CDK14: variants seen among roughly 807,000 people sequenced by gnomAD.
CDK14 encodes cyclin-dependent kinase 14.
CDK14 carries 34 observed loss-of-function variants against 60.7 expected under a neutral mutation model. That is an observed-to-expected ratio of 0.56 (90% CI 0.43 to 0.75). The LOEUF (loss-of-function observed/expected upper bound fraction) is 0.75, where lower values mean the gene tolerates loss of function less well. Ranked by LOEUF, CDK14 falls within the 30% of genes least tolerant of loss-of-function variation. CDK14 has a pLI of 0.00. For synonymous variants in CDK14, 197 were observed against 203.7 expected (o/e 0.97, Z 0.28); for missense variants, 482 against 564.1 (o/e 0.85, Z 1.47).
At chr7:90,619,650 G>T (rs375485961) in intron 2 of CDK14, among the ~76,000 whole-genome samples, 1 of 152,068 alleles carries the variant, frequency 6.6e-6, no homozygotes, top group Non-Finnish European at 1.5e-5. Context: ...AGAACTGACC[G>T]TTATGTTTAA....
At chr7:90,601,891 C>A (rs1799321027) in intron 1 of CDK14, among the ~76,000 whole-genome samples, 1 of 151,892 alleles carries the variant, frequency 6.6e-6, no homozygotes, top group African/African-American at 2.4e-5. Flanking sequence ...TAGCTGGAAC[C>A]ACAGGGCACC....
chr7:91,173,440 A>AAG (rs1554444750), intron 14 of CDK14, among the ~76,000 whole-genome samples: 3 of 149,222 alleles, frequency 2.0e-5, no homozygotes, highest in Admixed American at 6.6e-5. Context: ...AAAAAAAAAA[A>AAG]GGTGGGGAGG....
At chr7:91,010,856 CCTCCCTCCCTCT>C (rs1796139786) in intron 10 of CDK14, among the ~76,000 whole-genome samples, 1 of 119,082 alleles carries the variant, frequency 8.4e-6, no homozygotes, top group Non-Finnish European at 1.8e-5. Context: ...TCCCTCCCTC[CCTCCCTCCCTCT>C]CTCTCTTTCT....
intron 6 of CDK14, among the ~76,000 whole-genome samples, chr7:90,884,447 A>G (rs1791876199): frequency 1.3e-5 from 2 of 152,172 alleles, no homozygotes. Context: ...GCACAAACAA[A>G]TGGAAAAACA....
At chr7:91,151,752 C>G (rs1800834069) in intron 14 of CDK14, among the ~76,000 whole-genome samples, 1 of 152,160 alleles carries the variant, frequency 6.6e-6, no homozygotes, top group Non-Finnish European at 1.5e-5. Context: ...TTGATCCATA[C>G]TCATGCCTAG....
chr7:90,899,775 TA>T (rs1792443827), intron 7 of CDK14, among the ~76,000 whole-genome samples: 1 of 152,144 alleles, frequency 6.6e-6, no homozygotes, highest in South Asian at 2.1e-4. Flanking sequence ...TATTTCTATG[TA>T]CAAGCATATT....
chr7:91,130,924 C>A (rs1344784437), intron 14 of CDK14, among the ~76,000 whole-genome samples: 1 of 152,034 alleles, frequency 6.6e-6, no homozygotes, highest in South Asian at 2.1e-4. Context: ...CTATTAGACA[C>A]AGCATAAATT....
intron 7 of CDK14, among the ~76,000 whole-genome samples, chr7:90,902,453 A>G (rs1424168128): frequency 1.3e-5 from 2 of 152,166 alleles, no homozygotes; most frequent in African/African-American, 2.4e-5. Flanking sequence ...ATTAATCTGC[A>G]TACCTATAGT....
intron 6 of CDK14, among the ~76,000 whole-genome samples, chr7:90,864,692 G>T (rs745766680): frequency 6.6e-5 from 10 of 152,166 alleles, no homozygotes; most frequent in African/African-American, 2.4e-4. Context: ...GGGCTAAAAT[G>T]TACATATTGG....
In CDK14 at chr7:90,657,679, A is replaced by G. The variant is rs758225315; in HGVS notation, c.123+53430A>G. The stretch of plus-strand genomic sequence containing the variant: ...CCACATATGGGCCAGTGGCTACTCT[A>G]TTGGACAGCACAGCTCAAGTGAGTC... On this transcript the variant is annotated intron_variant, in intron 2 of 14. Transcript: ENST00000380050. Among the ~76,000 whole-genome samples the G allele has an allele frequency of 1.6e-4, 25 of 152,330 alleles. No homozygotes were observed. The Middle Eastern group carries it at 0.014, about 83-fold the overall frequency.
At chr7:90,615,172 C>T (rs893442016) in intron 2 of CDK14, among the ~76,000 whole-genome samples, 5 of 151,930 alleles carry the variant, frequency 3.3e-5, no homozygotes, top group African/African-American at 9.7e-5. Context: ...AGTTATAATA[C>T]GATAGAAAAA....
At chr7:91,195,147 T>TTCACATTTTTAATGAGCTGACAC (rs1407244283) in intron 14 of CDK14, among the ~76,000 whole-genome samples, 1 of 152,232 alleles carries the variant, frequency 6.6e-6, no homozygotes, top group East Asian at 1.9e-4. Flanking sequence ...CATTACAGCC[T>TTCACATTTTTAATGAGCTGACAC]TCACATTTTT....
At chr7:91,010,023 C>G (rs1796103834) in intron 10 of CDK14, among the ~76,000 whole-genome samples, 1 of 151,946 alleles carries the variant, frequency 6.6e-6, no homozygotes, top group Non-Finnish European at 1.5e-5. Flanking sequence ...TTTAATTTTT[C>G]CATTGCCATT....
chr7:90,882,583 G>A (rs1329476206), intron 6 of CDK14, among the ~76,000 whole-genome samples: 1 of 152,130 alleles, frequency 6.6e-6, no homozygotes, highest in Non-Finnish European at 1.5e-5. Flanking sequence ...CTTAGCTCTG[G>A]ATCAAGCAGA....
intron 12 of CDK14, among the ~76,000 whole-genome samples, chr7:91,084,740 C>T (rs1192501257): frequency 6.6e-6 from 1 of 152,236 alleles, no homozygotes; most frequent in African/African-American, 2.4e-5. Context: ...TACCCATCTT[C>T]TCTCTTACTA....
rs1789147519 is a variant in CDK14 at position 90,812,150 on chromosome 7, A to T, written c.544+21498A>T. ...CCAAAGGATTATAAAACATGCTGTT[A>T]TAAAGACACATGCCCATGTATGTTT... On this transcript the variant is annotated intron_variant, in intron 5 of 14. Transcript: ENST00000380050. 3.3e-5 allele frequency among the ~76,000 whole-genome samples: 5 copies of T among 152,254 alleles called. No homozygotes were observed. The South Asian group carries it at 1.0e-3, about 32-fold the overall frequency.
chr7:90,787,941 T>C (rs1389660849), intron 4 of CDK14, among the ~76,000 whole-genome samples: 2 of 152,194 alleles, frequency 1.3e-5, no homozygotes, highest in Non-Finnish European at 2.9e-5. Flanking sequence ...AATCCATCTT[T>C]AGTTGCACTT....
At chr7:90,706,863 A>G (rs1267819287) in intron 2 of CDK14, among the ~76,000 whole-genome samples, 1 of 152,146 alleles carries the variant, frequency 6.6e-6, no homozygotes, top group Non-Finnish European at 1.5e-5. Context: ...GGTCTCAGTC[A>G]GTGACTGATC....
At chr7:91,126,396 T>A (rs1021888417) in intron 14 of CDK14, among the ~76,000 whole-genome samples, 5 of 152,186 alleles carry the variant, frequency 3.3e-5, no homozygotes, top group Admixed American at 6.6e-5. Context: ...CCCCTAAATG[T>A]TGGTAACATT....
Sources: gnomAD v4.1 joint callset for allele counts (sites outside exome capture counted in the v4.1 genomes callset) on GRCh38, gnomAD v4.1.1 for gene constraint, MANE v1.5 for transcripts, NCBI Gene and HGNC (gene_info 2026-07-23, HGNC 2026-07-21) for gene names.